Variants in FKBP15 observed in about 807,000 individuals in gnomAD.
The protein encoded by FKBP15 is FK506-binding protein 15.
A neutral mutation model predicts 158.1 loss-of-function variants in FKBP15; 106 were observed. The observed-to-expected ratio is 0.67, with a 90% CI of 0.57 to 0.79. The LOEUF (loss-of-function observed/expected upper bound fraction) is 0.79. Among genes scored for constraint, FKBP15 ranks in the 30% least tolerant of loss-of-function variants. FKBP15 has a pLI of 0.00. For missense variants in FKBP15, 1,287 were observed against 1,479.1 expected (o/e 0.87, Z 2.13); for synonymous variants, 547 against 548.6 (o/e 1.00, Z 0.04).
At position 113,162,566 on chromosome 9, in the gene FKBP15, T is replaced by C; in HGVS notation, c.*3512A>G. On this transcript the variant is annotated 3_prime_UTR_variant, in exon 28 of 28. Transcript: ENST00000238256. ...GAAGATATGTCTCTTTAAAAATAAA[T>C]CTCGAGTTTTTTCTGGGGGCGGGGG... The C allele has an allele frequency of 2.0e-6, 1 of 493,524 alleles. No individual in the cohort carries two copies. The highest frequency in any genetic ancestry group is 3.4e-5 in the East Asian group (1 of 29,670). The allele number at this position is 493,524 out of a possible 1,614,324, so 30.6% of individuals were successfully genotyped here.
rs1830244844 is a variant in FKBP15, at chr9:113,173,249, T to C, written c.2532+204A>G. Among the ~76,000 whole-genome samples, 3 of 152,230 alleles carry C rather than the reference T, an allele frequency of 2.0e-5. 1 individual carries two copies. In the South Asian group the frequency reaches 6.2e-4, roughly 31 times the overall value. On this transcript the variant is annotated intron_variant, in intron 23 of 27. Transcript: ENST00000238256. ...TAATGGGAAACATGTTCCGGAACAC[T>C]AGTGCTGTTTTCTCTTTTTCCAGGT... is the stretch of plus-strand genomic sequence containing the variant.
rs764858932 is a variant in FKBP15, at chr9:113,169,413, G to A, written c.3296C>T (p.Thr1099Ile). Residue 1099 changes from threonine to isoleucine, a missense_variant, in exon 26 of 28, where the codon ACT becomes ATT. By Grantham distance (89) the Thr-to-Ile change is moderately conservative. Transcript: ENST00000238256. ...LQESSTRLSL[T>I]SDPEEGDPLA... The stretch of plus-strand genomic sequence containing the variant: ...TGGGTCCCCCTCCTCGGGGTCTGAA[G>A]TCAGGGACAGTCTTGTGGAGCTTTC... 1 of 1,614,032 alleles carries A rather than the reference G, an allele frequency of 6.2e-7. No individual in the cohort carries two copies. The highest frequency in any genetic ancestry group is 8.5e-7 in the Non-Finnish European group (1 of 1,179,890).
Position 113,197,036 on chromosome 9 carries a change from G to A in FKBP15, c.760C>T (p.Arg254Ter), listed in dbSNP as rs374443474. The A allele has an allele frequency of 5.0e-6, 8 of 1,613,730 alleles. No homozygotes were observed. The highest frequency in any genetic ancestry group is 2.2e-5 in the South Asian group (2 of 91,088). Residue 254 changes from arginine to a stop codon, truncating the protein, a stop_gained, in exon 9 of 28, where the codon CGA (arginine) becomes TGA (stop). Transcript: ENST00000238256. LOFTEE classifies it high-confidence loss of function. ...GMLGMKKGGK[R>*]LLIVPPACAV... The stretch of plus-strand genomic sequence containing the variant: ...CAGGCTGGAGGGACAATAAGCAATC[G>A]CTTTCCTCCTTTTTTCATGCCCAGC...
Position 113,196,867 on chromosome 9 carries a change from T to C in FKBP15, c.864+65A>G, listed in dbSNP as rs1279654714. The C allele has an allele frequency of 9.7e-6, 15 of 1,543,970 alleles. No individual in the cohort carries two copies. The East Asian group carries it at 3.0e-4, about 31-fold the overall frequency. On this transcript the variant is annotated intron_variant, in intron 9 of 27. Transcript: ENST00000238256. ...CAAGTATCTTCATTTATTTATTCAT[T>C]TTGTGTAACTAGCAAAGAGACAGGC... is the stretch of plus-strand genomic sequence containing the variant.
At chr9:113,206,180 G>GTA (rs959967628) in intron 4 of FKBP15, 7 of 306,604 alleles carry the variant, frequency 2.3e-5, no homozygotes, top group Non-Finnish European at 3.7e-5. Context: ...ATATGTATGT[G>GTA]TATATATATG....
In FKBP15 at chr9:113,169,248, G is replaced by T. The variant is rs1397160918; in HGVS notation, c.3461C>A (p.Pro1154His). ...GSTVAGAALR[P>H]SHHSQRSSLS... ...CCTGGAACGCTGGGAATGATGGCTG[G>T]GTCTGAGGGCTGCTCCTGCAACTGT... Residue 1154 changes from proline to histidine, a missense_variant, in exon 26 of 28, where the codon CCC becomes CAC. Physicochemically the swap from Pro to His is moderately conservative, Grantham distance 77. Coordinates refer to ENST00000238256, the MANE Select transcript of FKBP15 (RefSeq NM_015258.2). 8 of 1,613,702 alleles carry T rather than the reference G, an allele frequency of 5.0e-6. No individual in the cohort carries two copies. Among genetic ancestry groups the T allele is most frequent in the Non-Finnish European group, 6.8e-6 (8 of 1,179,762 alleles).
chr9:113,176,381 G>GT (rs1830299846), intron 21 of FKBP15, among the ~76,000 whole-genome samples, 156 bp downstream of exon 21: 1 of 152,118 alleles, frequency 6.6e-6, no homozygotes, highest in Non-Finnish European at 1.5e-5. Context: ...CACCTTCAAT[G>GT]TATGAGATTA....
At chr9:113,203,214 A>C (rs1238895269) in intron 4 of FKBP15, among the ~76,000 whole-genome samples, 179 bp from the exon 5 acceptor site, 1 of 152,198 alleles carries the variant, frequency 6.6e-6, no homozygotes, top group Non-Finnish European at 1.5e-5. Context: ...CACTATCCAC[A>C]TTAATCTCTT....
At chr9:113,191,182 CT>C (rs34475285) in intron 11 of FKBP15, among the ~76,000 whole-genome samples, 124 of 146,388 alleles carry the variant, frequency 8.5e-4, no homozygotes, top group Admixed American at 8.2e-4. Flanking sequence ...ATTATTATTA[CT>C]TTTTTTTTTT....
chr9:113,199,821 A>G lies in FKBP15; in HGVS notation c.641T>C (p.Leu214Pro), dbSNP rs777133203. The change falls in exon 7 of 28, where the codon CTG becomes CCG. Residue 214 changes from leucine to proline, a missense_variant. Transcript: ENST00000238256. ...CAGGGTGCATTTTCTTACCTGGCCC[A>G]GCACATGATTCTGAAAGAGCCAGCC... ...YTGWLFQNHV[L>P]GQVFDSTANK... 2.5e-6 allele frequency: 4 copies of G among 1,612,200 alleles called. No individual in the cohort carries two copies. Among genetic ancestry groups the G allele is most frequent in the Non-Finnish European group, 3.4e-6 (4 of 1,179,214 alleles).
At chr9:113,206,639 T>C in intron 3 of FKBP15, 61 bp from the exon 4 acceptor site, 2 of 1,295,034 alleles carry the variant, frequency 1.5e-6, no homozygotes, top group Middle Eastern at 1.9e-4. Flanking sequence ...GAACCAGCTT[T>C]CTTTTCTGTC....
Position 113,170,582 on chromosome 9 carries a change from A to C in FKBP15, c.2706T>G (p.Phe902Leu). Reference protein sequence around the residue: ...NQVFQSLRREFELEESYNGRT... With the variant: ...NQVFQSLRRELELEESYNGRT... Reference sequence around the variant, plus strand: ...TGCCATTGTAAGATTCCTCCAGCTCAAACTCTCTCCGTAAGGACTGGAACA... The same window carrying C: ...TGCCATTGTAAGATTCCTCCAGCTCCAACTCTCTCCGTAAGGACTGGAACA... Residue 902 changes from phenylalanine to leucine, a missense_variant, in exon 25 of 28, where the codon TTT becomes TTG. Transcript: ENST00000238256. The C allele has an allele frequency of 2.5e-6, 4 of 1,613,874 alleles. No individual in the cohort carries two copies. Among genetic ancestry groups the C allele is most frequent in the Non-Finnish European group, 3.4e-6 (4 of 1,179,744 alleles).
At chr9:113,213,053 A>G (rs1024397883) in intron 1 of FKBP15, among the ~76,000 whole-genome samples, 1 of 152,186 alleles carries the variant, frequency 6.6e-6, no homozygotes. Flanking sequence ...CTCAGCATAT[A>G]GTGGTACTCA....
In FKBP15 at chr9:113,161,258, G is replaced by C. The variant is rs982989471; in HGVS notation, c.*4820C>G. On this transcript the variant is annotated 3_prime_UTR_variant, in exon 28 of 28. Coordinates refer to ENST00000238256, the MANE Select transcript of FKBP15 (RefSeq NM_015258.2). ...TGTGCAGCCTGCTGGGGGAGTGGGT[G>C]GGGTAATGGTACGTGGCTTCTTCAC... The C allele has an allele frequency of 2.4e-5, 12 of 497,218 alleles. No individual in the cohort carries two copies. Among genetic ancestry groups the C allele is most frequent in the African/African-American group, 1.6e-4 (8 of 50,916 alleles). 30.8% of individuals were successfully genotyped at this position (497,218 alleles called of 1,614,324 possible).
At chr9:113,179,389 C>T (rs1029361807) in intron 19 of FKBP15, among the ~76,000 whole-genome samples, 9 of 152,110 alleles carry the variant, frequency 5.9e-5, no homozygotes, top group African/African-American at 1.9e-4. Flanking sequence ...AAAGGCCGGG[C>T]GCAGTGGCTC....
Position 113,187,851 on chromosome 9 carries a change from A to C in FKBP15, c.1325T>G (p.Met442Arg), listed in dbSNP as rs2092733936. 6 of 1,613,984 alleles carry C rather than the reference A, an allele frequency of 3.7e-6. No individual in the cohort carries two copies. Among genetic ancestry groups the C allele is most frequent in the Non-Finnish European group, 5.1e-6 (6 of 1,179,868 alleles). ...GTGGGAATCGAGAGATGACACTTGC[A>C]TTAAGGCAGCAGAAGGTGCCTGGAG... ...TGLQAPSAAL[M>R]QVSSLDSHSA... Residue 442 changes from methionine (M) to arginine (R), a missense_variant, in exon 14 of 28, where the codon ATG (methionine) becomes AGG (arginine). Transcript: ENST00000238256.
intron 1 of FKBP15, among the ~76,000 whole-genome samples, chr9:113,218,815 C>A (rs868498521): frequency 6.6e-6 from 1 of 152,296 alleles, no homozygotes; most frequent in Middle Eastern, 3.4e-3. Flanking sequence ...ACATTTGAAT[C>A]TAGGCTTTTT....
chr9:113,215,742 T>C (rs12343532), intron 1 of FKBP15, among the ~76,000 whole-genome samples: 42 of 144,634 alleles, frequency 2.9e-4, no homozygotes, highest in Middle Eastern at 3.6e-3. Flanking sequence ...CTCCGCCTCC[T>C]GGGTTCAAGC....
Position 113,188,499 on chromosome 9 carries a change from AG to A in FKBP15, c.1174-9del. On this transcript the variant is annotated splice_polypyrimidine_tract_variant and intron_variant, in intron 12 of 27. Coordinates refer to ENST00000238256, the MANE Select transcript of FKBP15 (RefSeq NM_015258.2). ...TTGCAGAGTGTTCACATCCTGAAACAGGAACAAGCGTTTGGGTTACTCTGTA... is the reference window on the plus strand; with the variant it reads ...TTGCAGAGTGTTCACATCCTGAAACAGAACAAGCGTTTGGGTTACTCTGTA... 6.2e-7 allele frequency: 1 copy of A among 1,612,044 alleles called. No homozygotes were observed. The highest frequency in any genetic ancestry group is 8.5e-7 in the Non-Finnish European group (1 of 1,178,234).
Sources: allele counts gnomAD v4.1 joint callset (sites outside exome capture counted in the v4.1 genomes callset), GRCh38; gene constraint gnomAD v4.1.1; transcripts MANE v1.5; gene names NCBI Gene and HGNC (gene_info 2026-07-23, HGNC 2026-07-21).